MAGI2: variants seen among roughly 807,000 people sequenced by gnomAD.
The protein encoded by MAGI2 is membrane-associated guanylate kinase, WW and PDZ domain-containing protein 2.
In MAGI2, 35 loss-of-function variants were observed where a neutral mutation model predicts 133.3. That is an observed-to-expected ratio of 0.26 (90% CI 0.20 to 0.35). The LOEUF is 0.35. MAGI2 is among the 10% of genes least tolerant of loss of function. The pLI, the probability that MAGI2 is intolerant of heterozygous loss-of-function variation, is 1.00. For synonymous variants in MAGI2, 729 were observed against 710.6 expected, an observed-to-expected ratio of 1.03 and a Z score of -0.41; for missense variants, 1,636 against 1,863.4, an observed-to-expected ratio of 0.88 and a Z score of 2.25.
At chr7:78,586,875 G>A (rs1007388349) in intron 3 of MAGI2, among the ~76,000 whole-genome samples, 6 of 152,108 alleles carry the variant, frequency 3.9e-5, no homozygotes, top group African/African-American at 1.2e-4. Context: ...TGTCTTCAAT[G>A]TTCATCCATG....
intron 2 of MAGI2, chr7:78,940,487 G>T (rs1486519693): frequency 6.6e-6 from 1 of 152,226 alleles, no homozygotes; most frequent in Non-Finnish European, 1.5e-5. Context: ...TTGGAACGGA[G>T]AGTTGATGTC....
chr7:78,990,872 T>G (rs1238086320), intron 2 of MAGI2, among the ~76,000 whole-genome samples: 2 of 151,088 alleles, frequency 1.3e-5, no homozygotes, highest in Non-Finnish European at 2.9e-5. Flanking sequence ...TATGTCCTAT[T>G]ATTTTACTGA....
intron 2 of MAGI2, among the ~76,000 whole-genome samples, chr7:78,882,095 A>C (rs1216913320): frequency 2.4e-5 from 3 of 123,140 alleles, no homozygotes; most frequent in African/African-American, 5.7e-5. Context: ...ACAAAAAAAA[A>C]AAAAAAAAAA....
chr7:79,174,718 A>T (rs1004710683), intron 1 of MAGI2, among the ~76,000 whole-genome samples: 2 of 151,734 alleles, frequency 1.3e-5, no homozygotes, highest in Admixed American at 6.6e-5. Context: ...ATAAATTATT[A>T]AAAAAACACT....
At chr7:78,800,285 A>G (rs890820313) in intron 2 of MAGI2, among the ~76,000 whole-genome samples, 2 of 152,110 alleles carry the variant, frequency 1.3e-5, no homozygotes, top group African/African-American at 2.4e-5. Context: ...TGACAATTCA[A>G]TGTGGGTAGG....
chr7:79,039,482 G>A (rs1811422178), intron 1 of MAGI2, among the ~76,000 whole-genome samples: 1 of 151,350 alleles, frequency 6.6e-6, no homozygotes, highest in African/African-American at 2.4e-5. Context: ...TTTATTCACA[G>A]GCAACAAACA....
chr7:78,044,087 T>C (rs1459473102), intron 21 of MAGI2, among the ~76,000 whole-genome samples: 1 of 152,246 alleles, frequency 6.6e-6, no homozygotes, highest in East Asian at 1.9e-4. Flanking sequence ...ACTTCTATTA[T>C]GAGGAGGACA....
At chr7:78,572,489 G>A (rs1801604261) in intron 3 of MAGI2, among the ~76,000 whole-genome samples, 1 of 151,954 alleles carries the variant, frequency 6.6e-6, no homozygotes, top group South Asian at 2.1e-4. Flanking sequence ...TAATTGTTCA[G>A]AACTTTCCCT....
intron 3 of MAGI2, among the ~76,000 whole-genome samples, chr7:78,563,732 A>C (rs886729754): frequency 2.0e-5 from 3 of 152,192 alleles, no homozygotes; most frequent in Admixed American, 6.5e-5. Context: ...CACACCTTAC[A>C]AATAAAAATA....
intron 2 of MAGI2, among the ~76,000 whole-genome samples, chr7:78,640,472 T>A (rs1810169761): frequency 6.6e-6 from 1 of 152,220 alleles, no homozygotes; most frequent in Non-Finnish European, 1.5e-5. Context: ...GCATAAGAGA[T>A]ATTGAGTTAA....
At chr7:78,999,344 AC>A (rs1260651650) in intron 2 of MAGI2, among the ~76,000 whole-genome samples, 1 of 151,886 alleles carries the variant, frequency 6.6e-6, no homozygotes, top group Non-Finnish European at 1.5e-5. Context: ...TTATTCTCAA[AC>A]TAGTGTCCTG....
chr7:79,097,368 T>C (rs1167498642), intron 1 of MAGI2, among the ~76,000 whole-genome samples: 1 of 152,242 alleles, frequency 6.6e-6, no homozygotes, highest in Non-Finnish European at 1.5e-5. Context: ...ACATTTACTG[T>C]GCCATTTTTT....
At chr7:78,752,852 A>G (rs1479459638) in intron 2 of MAGI2, among the ~76,000 whole-genome samples, 2 of 152,182 alleles carry the variant, frequency 1.3e-5, no homozygotes, top group East Asian at 1.9e-4. Flanking sequence ...CTGTCCAAAT[A>G]TCTGGCTAAG....
intron 2 of MAGI2, among the ~76,000 whole-genome samples, chr7:78,826,196 C>CA (rs1036299832): frequency 1.1e-4 from 16 of 150,782 alleles, no homozygotes; most frequent in African/African-American, 2.9e-4. Flanking sequence ...ACTAAAAATA[C>CA]AAAAAAAATT....
intron 1 of MAGI2, among the ~76,000 whole-genome samples, chr7:79,220,782 A>G (rs183419029): frequency 7.2e-5 from 11 of 152,238 alleles, no homozygotes; most frequent in African/African-American, 2.7e-4. Context: ...TCATTAAAAT[A>G]CTGAAAAACC....
chr7:78,492,934 T>C lies in MAGI2; in HGVS notation c.966-3094A>G, dbSNP rs925395151. 4.6e-5 allele frequency among the ~76,000 whole-genome samples: 7 copies of C among 152,330 alleles called. No individual in the cohort carries two copies. The East Asian group carries it at 1.3e-3, about 29-fold the overall frequency. ...AATCATACTAATATACTACTTCATG[T>C]ATTTTTAGGATAAAGCTAATGTGAT... On this transcript the variant is annotated intron_variant, in intron 5 of 21. Transcript: ENST00000354212.
chr7:79,215,943 G>A (rs188591921), intron 1 of MAGI2, among the ~76,000 whole-genome samples: 1 of 151,750 alleles, frequency 6.6e-6, no homozygotes, highest in East Asian at 1.9e-4. Context: ...GTATTCCGTG[G>A]GAATACAGGG....
intron 1 of MAGI2, among the ~76,000 whole-genome samples, chr7:79,367,858 C>CACATATATATATATGTGACACAT: frequency 2.3e-5 from 2 of 87,114 alleles, no homozygotes; most frequent in African/African-American, 9.3e-5. Context: ...ATATATGTGA[C>CACATATATATATATGTGACACAT]ATATATATAT....
chr7:79,241,684 T>TCTACTAAGATGTAGG (rs1324118326), intron 1 of MAGI2, among the ~76,000 whole-genome samples: 40 of 152,312 alleles, frequency 2.6e-4, no homozygotes, highest in African/African-American at 8.4e-4. Flanking sequence ...GAGGTGCCTT[T>TCTACTAAGATGTAGG]CATAGCATGC....
Sources: gnomAD v4.1 joint callset for allele counts (sites outside exome capture counted in the v4.1 genomes callset) on GRCh38, gnomAD v4.1.1 for gene constraint, MANE v1.5 for transcripts, NCBI Gene and HGNC (gene_info 2026-07-23, HGNC 2026-07-21) for gene names.